The following ZNF827 variants were observed in gnomAD, a reference collection of about 807,000 sequenced individuals.
The protein encoded by ZNF827 is zinc finger protein 827.
A neutral mutation model predicts 102.4 loss-of-function variants in ZNF827; 13 were observed. The ratio of observed to expected loss-of-function variants is 0.13; its 90% CI spans 0.08 to 0.20. The LOEUF (loss-of-function observed/expected upper bound fraction) is 0.20, where lower values mean the gene tolerates loss of function less well. Among genes scored for constraint, ZNF827 ranks in the 10% least tolerant of loss-of-function variants. ZNF827 has a pLI of 1.00. For synonymous variants in ZNF827, 523 were observed against 536.2 expected (o/e 0.98, Z 0.34); for missense variants, 1,103 against 1,344.4 (o/e 0.82, Z 2.81).
At chr4:145,877,774 C>T (rs1369914642) in intron 4 of ZNF827, among the ~76,000 whole-genome samples, 1 of 152,188 alleles carries the variant, frequency 6.6e-6, no homozygotes, top group African/African-American at 2.4e-5. Context: ...AACCAACCCA[C>T]AAAGGGCAAA....
chr4:145,883,939 T>C (rs1203891122), intron 4 of ZNF827, among the ~76,000 whole-genome samples: 1 of 152,104 alleles, frequency 6.6e-6, no homozygotes, highest in Non-Finnish European at 1.5e-5. Context: ...ACAGCAAACA[T>C]GGAATACATG....
chr4:145,887,753 G>A (rs974161227), intron 3 of ZNF827, among the ~76,000 whole-genome samples: 1 of 152,116 alleles, frequency 6.6e-6, no homozygotes, highest in Non-Finnish European at 1.5e-5. Context: ...CATCTCCTCC[G>A]ACCAATTCAC....
At chr4:145,913,083 A>C (rs568018443) in intron 1 of ZNF827, among the ~76,000 whole-genome samples, 11 of 152,086 alleles carry the variant, frequency 7.2e-5, no homozygotes, top group Non-Finnish European at 1.5e-4. Flanking sequence ...TGGACTAATA[A>C]ATTTTTGCTT....
In ZNF827 at chr4:145,774,505, C is replaced by T; in HGVS notation, c.2860+1G>A. The T allele has an allele frequency of 6.2e-7, 1 of 1,609,262 alleles. No individual in the cohort carries two copies. The highest frequency in any genetic ancestry group is 8.5e-7 in the Non-Finnish European group (1 of 1,177,708). ...TGAGAAGGACAGACAGGAATGGTCA[C>T]CTGTGTGCTTGGTGCCAATGTGAGT... On this transcript the variant is annotated splice_donor_variant, in intron 11 of 14. Transcript: ENST00000508784. LOFTEE classifies it high-confidence loss of function.
chr4:145,793,986 C>T (rs1740114408), intron 8 of ZNF827, among the ~76,000 whole-genome samples: 1 of 152,084 alleles, frequency 6.6e-6, no homozygotes, highest in African/African-American at 2.4e-5. Context: ...TTCACCTCAT[C>T]CCCCTGCCTC....
intron 8 of ZNF827, among the ~76,000 whole-genome samples, chr4:145,791,189 A>G (rs1739622819): frequency 6.6e-6 from 1 of 152,246 alleles, no homozygotes; most frequent in African/African-American, 2.4e-5. Flanking sequence ...AGATCAAGGC[A>G]CTGGCAGATT....
At chr4:145,890,449 T>C (rs537121488) in intron 3 of ZNF827, among the ~76,000 whole-genome samples, 1 of 152,166 alleles carries the variant, frequency 6.6e-6, no homozygotes, top group African/African-American at 2.4e-5. Flanking sequence ...GGCACCCAAC[T>C]CATCTCCCTG....
chr4:145,778,279 G>A (rs1430712975), intron 9 of ZNF827, among the ~76,000 whole-genome samples: 1 of 151,942 alleles, frequency 6.6e-6, no homozygotes, highest in Non-Finnish European at 1.5e-5. Flanking sequence ...GATTACAAGC[G>A]TGCACCACCA....
intron 13 of ZNF827, among the ~76,000 whole-genome samples, chr4:145,764,097 G>T (rs1369433483): frequency 6.6e-6 from 1 of 152,140 alleles, no homozygotes; most frequent in Admixed American, 6.5e-5. Flanking sequence ...AAAACAAAAG[G>T]TTTTTTCCCC....
chr4:145,821,607 TGTA>T (rs1743152966), intron 8 of ZNF827, among the ~76,000 whole-genome samples: 1 of 152,188 alleles, frequency 6.6e-6, no homozygotes, highest in South Asian at 2.1e-4. Flanking sequence ...AAAATGTAAA[TGTA>T]GTCATTTTGC....
At position 145,779,394 on chromosome 4, in the gene ZNF827, C is replaced by T. The variant is rs777500578; in HGVS notation, c.2501G>A (p.Arg834Gln). The change falls in exon 9 of 15, where the codon CGA (arginine) becomes CAA (glutamine). Residue 834 changes from arginine to glutamine, a missense_variant. Coordinates refer to ENST00000508784, the MANE Select transcript of ZNF827 (RefSeq NM_001306215.2). ...CTCACCTGTGTGCAGCGAGAGGTGT[C>T]GGGACAATGTCTGCTGTCGGCCAAA... ...KVFGRQQTLS[R>Q]HLSLHTEERK... 3.1e-6 allele frequency: 5 copies of T among 1,614,066 alleles called. No individual in the cohort carries two copies. Among genetic ancestry groups the T allele is most frequent in the Non-Finnish European group, 3.4e-6 (4 of 1,179,972 alleles).
intron 5 of ZNF827, among the ~76,000 whole-genome samples, chr4:145,852,236 C>A (rs918327791): frequency 6.6e-6 from 1 of 152,188 alleles, no homozygotes; most frequent in African/African-American, 2.4e-5. Context: ...ACACCTCATA[C>A]CACCCTGCCT....
At chr4:145,764,830 A>G (rs1182337499) in intron 13 of ZNF827, 158 bp downstream of exon 13, 4 of 943,528 alleles carry the variant, frequency 4.2e-6, no homozygotes, top group South Asian at 1.4e-5. Flanking sequence ...GTCTAATTCA[A>G]TCCAGCTAAA....
At chr4:145,843,518 G>A (rs1203074138) in intron 7 of ZNF827, among the ~76,000 whole-genome samples, 1 of 152,156 alleles carries the variant, frequency 6.6e-6, no homozygotes, top group African/African-American at 2.4e-5. Flanking sequence ...TAAAATCTTT[G>A]TATGGGGCCA....
intron 8 of ZNF827, among the ~76,000 whole-genome samples, chr4:145,796,984 T>TA (rs1740451556): frequency 6.6e-6 from 1 of 152,124 alleles, no homozygotes. Flanking sequence ...ATTTCATAGA[T>TA]ACCAAAGGGA....
At chr4:145,885,100 A>G (rs1749996464) in intron 4 of ZNF827, among the ~76,000 whole-genome samples, 2 of 152,054 alleles carry the variant, frequency 1.3e-5, no homozygotes, top group African/African-American at 2.4e-5. Context: ...AAAATGGTAA[A>G]TTTTATGTTA....
intron 11 of ZNF827, among the ~76,000 whole-genome samples, chr4:145,766,707 A>T (rs371282274): frequency 6.6e-6 from 1 of 152,214 alleles, no homozygotes; most frequent in Non-Finnish European, 1.5e-5. Context: ...GACTACCCAT[A>T]GTTGGAGGGG....
At chr4:145,806,608 A>T (rs1342709302) in intron 8 of ZNF827, among the ~76,000 whole-genome samples, 8 of 151,986 alleles carry the variant, frequency 5.3e-5, no homozygotes, top group Non-Finnish European at 1.5e-5. Flanking sequence ...GGCAGAGAAG[A>T]ATGAAAATAA....
At chr4:145,862,035 T>C (rs902698522) in intron 5 of ZNF827, among the ~76,000 whole-genome samples, 1 of 152,024 alleles carries the variant, frequency 6.6e-6, no homozygotes, top group South Asian at 2.1e-4. Flanking sequence ...GCCCTGGCCT[T>C]GAGGGTGTGA....
Sources: allele counts gnomAD v4.1 joint callset (sites outside exome capture counted in the v4.1 genomes callset), GRCh38; gene constraint gnomAD v4.1.1; transcripts MANE v1.5; gene names NCBI Gene and HGNC (gene_info 2026-07-23, HGNC 2026-07-21).